The following NECAB2 variants were observed in gnomAD, a reference collection of about 807,000 sequenced individuals.
The protein encoded by NECAB2 is N-terminal EF-hand calcium binding protein 2.
NECAB2 carries 68 observed loss-of-function variants against 51.9 expected under a neutral mutation model. The ratio of observed to expected loss-of-function variants is 1.31; its 90% CI spans 1.08 to 1.60. The LOEUF is 1.60. Among genes scored for constraint, NECAB2 ranks in the 40% most tolerant of loss-of-function variants. NECAB2 has a pLI of 0.00. For synonymous variants in NECAB2, 329 were observed against 203.5 expected, an observed-to-expected ratio of 1.62 and a Z score of -5.25; for missense variants, 854 against 490.3, an observed-to-expected ratio of 1.74 and a Z score of -7.00.
intron 11 of NECAB2, 146 bp downstream of exon 11, chr16:84,000,947 G>T: frequency 1.3e-6 from 1 of 745,430 alleles, no homozygotes; most frequent in Non-Finnish European, 2.2e-6. Flanking sequence ...GCATGCTTGC[G>T]TCAGTAAACC....
At chr16:83,982,931 C>T (rs554964303) in intron 5 of NECAB2, among the ~76,000 whole-genome samples, 1 of 151,290 alleles carries the variant, frequency 6.6e-6, no homozygotes, top group African/African-American at 2.4e-5. Flanking sequence ...TGCAGTGATA[C>T]AATGTCGCCT....
At chr16:84,001,976 T>G in intron 12 of NECAB2, 60 bp downstream of exon 12, 4 of 1,553,974 alleles carry the variant, frequency 2.6e-6, no homozygotes, top group Non-Finnish European at 3.5e-6. Flanking sequence ...GGCAAGAGCC[T>G]AGAGGCTGCC....
At chr16:83,966,052 A>T, upstream of NECAB2, 1 of 1,390,588 alleles carries the variant, frequency 7.2e-7, no homozygotes, top group Non-Finnish European at 9.6e-7. Flanking sequence ...GAGGACAGAG[A>T]TGACCACATC....
Position 83,978,464 on chromosome 16 carries a change from G to C in NECAB2, c.247G>C (p.Glu83Gln). The C allele has an allele frequency of 6.2e-7, 1 of 1,613,890 alleles. No individual in the cohort carries two copies. The highest frequency in any genetic ancestry group is 8.5e-7 in the Non-Finnish European group (1 of 1,179,944). Residue 83 changes from glutamate to glutamine, a missense_variant, in exon 3 of 13, where the codon GAG (glutamate) becomes CAG (glutamine). Glu to Gln is a conservative substitution (Grantham distance 29). Transcript: ENST00000305202. ...TGCAGATGATGGGAAGCTGTCCTTG[G>C]AGGAATTCCAGCTCTTCTTTGCAGA... is the stretch of plus-strand genomic sequence containing the variant. The part of the protein sequence containing the change: ...DKNDDGKLSL[E>Q]EFQLFFADGV...
chr16:83,991,376 T>A (rs1487594622), intron 6 of NECAB2, among the ~76,000 whole-genome samples: 1 of 147,876 alleles, frequency 6.8e-6, no homozygotes, highest in South Asian at 2.1e-4. Flanking sequence ...TTCTTTTTTT[T>A]TTTTTTTTGA....
chr16:83,993,091 C>T (rs914203592), intron 6 of NECAB2, among the ~76,000 whole-genome samples: 45 of 152,102 alleles, frequency 3.0e-4, no homozygotes, highest in African/African-American at 1.0e-3. Context: ...TCCACACATG[C>T]CCCTCCCTCG....
rs1378004832 is a variant in NECAB2 at position 84,002,669 on chromosome 16, T to TCTTCGGTGACATTCTTCTACCTA, written c.*324_*346dup. On this transcript the variant is annotated 3_prime_UTR_variant, in exon 13 of 13. Coordinates refer to ENST00000305202, the MANE Select transcript of NECAB2 (RefSeq NM_019065.3). ...GACCCACACTGACCACACCCTGCCC[T>TCTTCGGTGACATTCTTCTACCTA]CTTCGGTGACATTCTTCTACCTAGT... is the stretch of plus-strand genomic sequence containing the variant. 1 of 427,394 alleles carries TCTTCGGTGACATTCTTCTACCTA rather than the reference T, an allele frequency of 2.3e-6. No homozygotes were observed. The highest frequency in any genetic ancestry group is 2.0e-5 in the African/African-American group (1 of 49,694). 26.5% of individuals were successfully genotyped at this position (427,394 alleles called of 1,614,324 possible).
intron 3 of NECAB2, among the ~76,000 whole-genome samples, chr16:83,979,404 G>A (rs545230921): frequency 6.6e-6 from 1 of 152,362 alleles, no homozygotes. Flanking sequence ...GTAGAGTACA[G>A]TGGTGGTTTG....
chr16:83,998,243 C>T lies in NECAB2; in HGVS notation c.888C>T (p.Pro296=), dbSNP rs147063450. The change falls in exon 10 of 13, where the codon CCC becomes CCT. Residue 296 remains proline, a synonymous_variant. Transcript: ENST00000305202. ...TCCGGCAGGAGATGGCCGTGTGCCCCGAGCAACTGAGCGAGTTTCTGGACT... is the reference window on the plus strand; with the variant it reads ...TCCGGCAGGAGATGGCCGTGTGCCCTGAGCAACTGAGCGAGTTTCTGGACT... ...QLVRQEMAVC[P]EQLSEFLDSL... is the part of the protein sequence containing the mutation. 8.1e-5 allele frequency: 130 copies of T among 1,612,458 alleles called. No homozygotes were observed. The East Asian group carries it at 8.9e-4, about 11-fold the overall frequency.
rs891162646 is a variant in NECAB2, at chr16:83,973,156, G to A, written c.226+981G>A. 1.3e-5 allele frequency among the ~76,000 whole-genome samples: 2 copies of A among 152,246 alleles called. 1 individual carries two copies. The highest frequency in any genetic ancestry group is 1.3e-4 in the Admixed American group (2 of 15,290). On this transcript the variant is annotated intron_variant, in intron 2 of 12. Coordinates refer to ENST00000305202, the MANE Select transcript of NECAB2 (RefSeq NM_019065.3). ...ATCAAGTACCAAGCCTGTGGCAGGG[G>A]AAGAGCACGCAACAGAGACCCTGTG... is the stretch of plus-strand genomic sequence containing the variant.
intron 5 of NECAB2, among the ~76,000 whole-genome samples, chr16:83,983,267 A>G (rs1373354213): frequency 6.6e-6 from 1 of 152,134 alleles, no homozygotes; most frequent in African/African-American, 2.4e-5. Context: ...TGCTTTCGTC[A>G]AGCCGCAGCA....
intron 9 of NECAB2, 57 bp from the exon 10 acceptor site, chr16:83,998,148 T>A: frequency 6.7e-7 from 1 of 1,500,456 alleles, no homozygotes; most frequent in South Asian, 1.2e-5. Flanking sequence ...CCTGATGGGG[T>A]GTTTAGGGAG....
chr16:83,976,627 G>T (rs1283765261), intron 2 of NECAB2, among the ~76,000 whole-genome samples: 1 of 152,166 alleles, frequency 6.6e-6, no homozygotes, highest in African/African-American at 2.4e-5. Context: ...TGTGTGGTTG[G>T]ATTGGGGTTT....
chr16:83,979,482 C>A (rs2084457341), intron 3 of NECAB2, among the ~76,000 whole-genome samples: 1 of 152,120 alleles, frequency 6.6e-6, no homozygotes, highest in South Asian at 2.1e-4. Flanking sequence ...GTAAGTGGAG[C>A]AGATACCATC....
At chr16:84,000,412 C>T (rs754985148) in intron 10 of NECAB2, among the ~76,000 whole-genome samples, 1 of 152,114 alleles carries the variant, frequency 6.6e-6, no homozygotes, top group South Asian at 2.1e-4. Context: ...CCTCTAGTCC[C>T]CGCTACTTGG....
chr16:83,998,957 C>G (rs1023508021), intron 10 of NECAB2, among the ~76,000 whole-genome samples: 2 of 152,156 alleles, frequency 1.3e-5, no homozygotes, highest in African/African-American at 2.4e-5. Flanking sequence ...GCCCTTTGTT[C>G]TTGCTGGTAG....
chr16:84,001,192 G>A (rs1341766262), intron 11 of NECAB2, among the ~76,000 whole-genome samples: 1 of 151,830 alleles, frequency 6.6e-6, no homozygotes, highest in Admixed American at 6.6e-5. Flanking sequence ...CCCTCCAGCT[G>A]AGTGCCCGGT....
chr16:83,999,483 A>T (rs35241658), intron 10 of NECAB2, among the ~76,000 whole-genome samples: 1 of 151,972 alleles, frequency 6.6e-6, no homozygotes, highest in African/African-American at 2.4e-5. Flanking sequence ...TCTACTTCCC[A>T]GGCATGGTGC....
At position 84,002,376 on chromosome 16, in the gene NECAB2, A is replaced by G; in HGVS notation, c.*30A>G. The stretch of plus-strand genomic sequence containing the variant: ...CTCCCAGAGGCCCGTGGAGGAGCCC[A>G]CCAGCCCCTTCTTCTTGTGAAGGAA... On this transcript the variant is annotated 3_prime_UTR_variant, in exon 13 of 13. Transcript: ENST00000305202. 1 of 1,610,368 alleles carries G rather than the reference A, an allele frequency of 6.2e-7. No homozygotes were observed. The highest frequency in any genetic ancestry group is 8.5e-7 in the Non-Finnish European group (1 of 1,177,928).
Sources: gnomAD v4.1 joint callset for allele counts (sites outside exome capture counted in the v4.1 genomes callset) on GRCh38, gnomAD v4.1.1 for gene constraint, MANE v1.5 for transcripts, NCBI Gene and HGNC (gene_info 2026-07-23, HGNC 2026-07-21) for gene names.